Variants in DMD observed in about 807,000 individuals in gnomAD.
The protein encoded by DMD is mutant dystrophin.
Under a neutral mutation model 330.1 loss-of-function variants are expected in DMD, and 63 were observed. The ratio of observed to expected loss-of-function variants is 0.19; its 90% CI spans 0.16 to 0.24. DMD has a LOEUF of 0.24. DMD is among the 10% of genes least tolerant of loss of function. The pLI is 1.00. For missense variants in DMD, 3,344 were observed against 2,684.1 expected, an observed-to-expected ratio of 1.25 and a Z score of -5.43; for synonymous variants, 1,223 against 959.8, an observed-to-expected ratio of 1.27 and a Z score of -5.07.
At chrX:31,195,652 G>A (rs2042790240) in intron 67 of DMD, among the ~76,000 whole-genome samples, 1 of 109,473 alleles carries the variant, frequency 9.1e-6, no homozygotes, top group African/African-American at 3.3e-5. Flanking sequence ...GGGACTTAGT[G>A]AGATGATACA....
intron 29 of DMD, among the ~76,000 whole-genome samples, chrX:32,436,202 T>G (rs1468350377): frequency 8.9e-6 from 1 of 111,987 alleles, no homozygotes; most frequent in Non-Finnish European, 1.9e-5. Context: ...TATTAGTTCC[T>G]TGTTTGTGTA....
intron 48 of DMD, among the ~76,000 whole-genome samples, chrX:31,858,040 A>T (rs1173985314): frequency 9.0e-6 from 1 of 111,025 alleles, no homozygotes; most frequent in Non-Finnish European, 1.9e-5. Flanking sequence ...ATACAAAGTT[A>T]TTATAAGTTG....
At chrX:31,569,055 C>T (rs761085566) in intron 55 of DMD, among the ~76,000 whole-genome samples, 1 of 111,391 alleles carries the variant, frequency 9.0e-6, no homozygotes, top group South Asian at 3.7e-4. Flanking sequence ...TAAAATATAA[C>T]TCTTAAGTAT....
intron 7 of DMD, among the ~76,000 whole-genome samples, chrX:32,767,133 A>G (rs536302511): frequency 1.8e-5 from 2 of 111,884 alleles, no homozygotes; most frequent in East Asian, 5.6e-4. Flanking sequence ...TAGTAATTTC[A>G]TATTAACAGA....
chrX:33,281,831 T>G (rs746125104), intron 1 of DMD, among the ~76,000 whole-genome samples: 7 of 107,688 alleles, frequency 6.5e-5, no homozygotes, highest in Non-Finnish European at 1.3e-4. Context: ...GTTTATCTAG[T>G]GATGCTGGTA....
intron 9 of DMD, among the ~76,000 whole-genome samples, chrX:32,696,993 A>T (rs2063706237): frequency 8.9e-6 from 1 of 111,824 alleles, no homozygotes; most frequent in East Asian, 2.8e-4. Flanking sequence ...GAGTCTCCAA[A>T]AATGTACACA....
chrX:33,008,173 A>G (rs1481373515), intron 2 of DMD, among the ~76,000 whole-genome samples: 1 of 111,718 alleles, frequency 9.0e-6, no homozygotes, highest in African/African-American at 3.2e-5. Context: ...CTCTGCATAT[A>G]GAACTGGCAT....
chrX:31,782,703 C>T (rs770407238), intron 50 of DMD, among the ~76,000 whole-genome samples: 1 of 111,543 alleles, frequency 9.0e-6, no homozygotes, highest in East Asian at 2.8e-4. Flanking sequence ...CACTTGTACG[C>T]AAAACAGGAT....
intron 50 of DMD, among the ~76,000 whole-genome samples, chrX:31,816,977 A>G (rs1203027647): frequency 8.9e-6 from 1 of 111,874 alleles, no homozygotes; most frequent in Non-Finnish European, 1.9e-5. Flanking sequence ...GATAGTGTAA[A>G]GCACAGCCAC....
At chrX:31,857,117 G>A (rs763396093) in intron 48 of DMD, among the ~76,000 whole-genome samples, 2 of 110,706 alleles carry the variant, frequency 1.8e-5, no homozygotes, top group South Asian at 3.9e-4. Context: ...GGTGGCTCAC[G>A]CCTGTAATCC....
At chrX:32,640,655 T>C (rs890145512) in intron 11 of DMD, among the ~76,000 whole-genome samples, 1 of 110,201 alleles carries the variant, frequency 9.1e-6, no homozygotes, top group Non-Finnish European at 1.9e-5. Flanking sequence ...AGAGAAGTGG[T>C]TTTTAAAATA....
chrX:32,591,878 G>A (rs973488529), intron 13 of DMD, among the ~76,000 whole-genome samples: 10 of 112,896 alleles, frequency 8.9e-5, no homozygotes, highest in Non-Finnish European at 1.5e-4. Flanking sequence ...GCATCTCCTC[G>A]CTCCCCGCAC....
At chrX:32,489,484 G>A (rs964458810) in intron 20 of DMD, among the ~76,000 whole-genome samples, 2 of 111,052 alleles carry the variant, frequency 1.8e-5, no homozygotes, top group South Asian at 3.9e-4. Context: ...AGGACAGAGT[G>A]AGAAGTTGGT....
chrX:32,783,139 A>G (rs1444958851), intron 7 of DMD, among the ~76,000 whole-genome samples: 1 of 101,940 alleles, frequency 9.8e-6, no homozygotes, highest in East Asian at 3.1e-4. Flanking sequence ...ATATATGTAT[A>G]TATATATACC....
chrX:32,676,205 T>C (rs567419808), intron 9 of DMD, among the ~76,000 whole-genome samples: 1 of 111,536 alleles, frequency 9.0e-6, no homozygotes, highest in African/African-American at 3.3e-5. Flanking sequence ...ATCCCTCTTA[T>C]ACATAAGAGC....
chrX:31,814,524 T>C (rs1484558340), intron 50 of DMD, among the ~76,000 whole-genome samples: 1 of 97,742 alleles, frequency 1.0e-5, no homozygotes, highest in Non-Finnish European at 2.1e-5. Context: ...AAGAAAACTC[T>C]GTTAACTGGC....
intron 7 of DMD, among the ~76,000 whole-genome samples, chrX:32,806,746 C>T (rs6628736): frequency 3.6e-4 from 40 of 111,594 alleles, no homozygotes; most frequent in African/African-American, 1.2e-3. Flanking sequence ...CAACCAACCT[C>T]TCAGACCACA....
intron 13 of DMD, among the ~76,000 whole-genome samples, chrX:32,581,627 A>C (rs7881768): frequency 0.041 from 4,627 of 112,047 alleles, 245 homozygotes; most frequent in African/African-American, 0.14. Flanking sequence ...ATTCCAATTA[A>C]AAATGGACAT....
At chrX:32,699,998 C>G (rs1173116412) in intron 7 of DMD, among the ~76,000 whole-genome samples, 1 of 111,740 alleles carries the variant, frequency 8.9e-6, no homozygotes. Context: ...TTGCCACATC[C>G]AGAAAGTGAA....
Sources: gnomAD v4.1 joint callset for allele counts (sites outside exome capture counted in the v4.1 genomes callset) on GRCh38, gnomAD v4.1.1 for gene constraint, MANE v1.5 for transcripts, NCBI Gene and HGNC (gene_info 2026-07-23, HGNC 2026-07-21) for gene names.